The following CFDP1 variants were observed in gnomAD, a reference collection of about 807,000 sequenced individuals.
CFDP1 encodes heterochromatin-stabilizing protein CFDP1.
A neutral mutation model predicts 40.1 loss-of-function variants in CFDP1; 31 were observed. The observed-to-expected ratio is 0.77, with a 90% CI of 0.58 to 1.04. CFDP1 has a LOEUF of 1.04. Ranked by LOEUF, CFDP1 falls within the 50% of genes least tolerant of loss-of-function variation. The pLI is 0.00. For synonymous variants in CFDP1, 167 were observed against 120.0 expected (o/e 1.39, Z -2.56); for missense variants, 423 against 343.4 (o/e 1.23, Z -1.83).
intron 4 of CFDP1, among the ~76,000 whole-genome samples, chr16:75,407,702 T>G (rs571580696): frequency 6.6e-6 from 1 of 151,784 alleles, no homozygotes; most frequent in East Asian, 1.9e-4. Flanking sequence ...ATAGGAAATT[T>G]GGGCTTCCAG....
intron 6 of CFDP1, among the ~76,000 whole-genome samples, chr16:75,297,195 T>TGTGTGTGTGTGTGTGTGTGTG (rs1491320265): frequency 1.6e-4 from 24 of 150,126 alleles, no homozygotes; most frequent in East Asian, 5.9e-4. Context: ...TGTGTGTGTG[T>TGTGTGTGTGTGTGTGTGTGTG]TTTTAGTAGA....
intron 5 of CFDP1, among the ~76,000 whole-genome samples, chr16:75,346,399 C>A (rs2078564442): frequency 6.6e-6 from 1 of 151,660 alleles, no homozygotes. Flanking sequence ...CTGGCTAACA[C>A]GGTGAAATCC....
rs61472076 is a variant in CFDP1 at position 75,349,650 on chromosome 16, CAAAAAAAAAAAAAAAAAAA to C, written c.651-44487_651-44469del. Among the ~76,000 whole-genome samples the C allele has an allele frequency of 5.3e-3, 124 of 23,244 alleles. 5 individuals carry two copies. Among genetic ancestry groups the C allele is most frequent in the African/African-American group, 0.014 (104 of 7,536 alleles). 15.2% of individuals were successfully genotyped at this position (23,244 alleles called of 152,430 possible). ...TGGGCGACAGAGCGAGACTCCGTCTCAAAAAAAAAAAAAAAAAAAAAAAAAAAAAAAAAAAAAAAAATAT... is the reference window on the plus strand; with the variant it reads ...TGGGCGACAGAGCGAGACTCCGTCTCAAAAAAAAAAAAAAAAAAAAAATAT... On this transcript the variant is annotated intron_variant, in intron 5 of 6. Coordinates refer to ENST00000283882, the MANE Select transcript of CFDP1 (RefSeq NM_006324.3).
At chr16:75,347,423 T>C (rs1314149281) in intron 5 of CFDP1, among the ~76,000 whole-genome samples, 1 of 149,930 alleles carries the variant, frequency 6.7e-6, no homozygotes, top group Non-Finnish European at 1.5e-5. Context: ...CTCACGCCTG[T>C]AATCCCAGCA....
chr16:75,393,516 G>A lies in CFDP1; in HGVS notation c.650+1574C>T, dbSNP rs1035980313. On this transcript the variant is annotated intron_variant, in intron 5 of 6. Transcript: ENST00000283882. ...ATGTGGGGCCGGGGGTGGATCATGA[G>A]GTCAGGAGATCGAGACCATCCTGGC... is the stretch of plus-strand genomic sequence containing the variant. 2.0e-5 allele frequency among the ~76,000 whole-genome samples: 3 copies of A among 151,708 alleles called. No homozygotes were observed. The East Asian group carries it at 5.8e-4, about 29-fold the overall frequency.
At chr16:75,332,364 C>G (rs1338657495) in intron 5 of CFDP1, among the ~76,000 whole-genome samples, 1 of 152,052 alleles carries the variant, frequency 6.6e-6, no homozygotes, top group Non-Finnish European at 1.5e-5. Context: ...ACTCAGGAGG[C>G]TGAGGCAGGA....
At chr16:75,308,519 T>C (rs2078273020) in intron 5 of CFDP1, among the ~76,000 whole-genome samples, 1 of 152,236 alleles carries the variant, frequency 6.6e-6, no homozygotes, top group South Asian at 2.1e-4. Context: ...CAAACCTCTC[T>C]ACCCATTGAT....
At chr16:75,410,173 G>A (rs71394216) in intron 4 of CFDP1, among the ~76,000 whole-genome samples, 2 of 135,384 alleles carry the variant, frequency 1.5e-5, no homozygotes, top group African/African-American at 2.8e-5. Context: ...TTATTTTTAA[G>A]AATAACAATT....
At chr16:75,326,576 G>A (rs943373294) in intron 5 of CFDP1, among the ~76,000 whole-genome samples, 1 of 152,206 alleles carries the variant, frequency 6.6e-6, no homozygotes, top group Admixed American at 6.5e-5. Flanking sequence ...CTGAGCTGGG[G>A]AGCACAGTGA....
intron 5 of CFDP1, among the ~76,000 whole-genome samples, chr16:75,393,103 G>C (rs2078966056): frequency 6.6e-6 from 1 of 152,220 alleles, no homozygotes. Context: ...AGAGGGCAAG[G>C]AATGTGTGGA....
At chr16:75,334,002 C>T (rs1253707150) in intron 5 of CFDP1, among the ~76,000 whole-genome samples, 2 of 152,176 alleles carry the variant, frequency 1.3e-5, no homozygotes, top group African/African-American at 4.8e-5. Flanking sequence ...TTTTCTACTT[C>T]AGTGACTGAG....
chr16:75,428,678 AAAGG>A (rs2079371236), intron 1 of CFDP1, among the ~76,000 whole-genome samples: 1 of 151,978 alleles, frequency 6.6e-6, no homozygotes, highest in African/African-American at 2.4e-5. Context: ...GAAAAAAAAG[AAAGG>A]AAGGAAAGGA....
chr16:75,408,817 G>C (rs1181642534), intron 4 of CFDP1, among the ~76,000 whole-genome samples: 2 of 151,926 alleles, frequency 1.3e-5, no homozygotes, highest in Non-Finnish European at 2.9e-5. Flanking sequence ...TTCAAAGTGT[G>C]TGTCTGACAT....
At position 75,394,934 on chromosome 16, in the gene CFDP1, G is replaced by C. The variant is rs1257079878; in HGVS notation, c.650+156C>G. 11 of 940,376 alleles carry C rather than the reference G, an allele frequency of 1.2e-5. 1 individual carries two copies. Among genetic ancestry groups the C allele is most frequent in the South Asian group, 1.8e-5 (1 of 54,938 alleles). 58.3% of individuals were successfully genotyped at this position (940,376 alleles called of 1,614,324 possible). On this transcript the variant is annotated intron_variant, in intron 5 of 6. Coordinates refer to ENST00000283882, the MANE Select transcript of CFDP1 (RefSeq NM_006324.3). The stretch of plus-strand genomic sequence containing the variant: ...AGAAAGTTATGGCTAATTTTCCTTT[G>C]CATCTTCCATTCTGGTAAATATTGC...
chr16:75,299,388 C>G (rs1340724362), intron 6 of CFDP1, among the ~76,000 whole-genome samples: 2 of 151,310 alleles, frequency 1.3e-5, no homozygotes, highest in African/African-American at 4.9e-5. Context: ...GAAATCCAGA[C>G]CATCCTGGTT....
At chr16:75,358,360 G>A (rs936234741) in intron 5 of CFDP1, among the ~76,000 whole-genome samples, 1 of 152,080 alleles carries the variant, frequency 6.6e-6, no homozygotes, top group Non-Finnish European at 1.5e-5. Flanking sequence ...CATTTTAGCA[G>A]CTTTTCTGAA....
At chr16:75,365,655 G>A (rs868164557) in intron 5 of CFDP1, among the ~76,000 whole-genome samples, 2 of 152,146 alleles carry the variant, frequency 1.3e-5, no homozygotes, top group Admixed American at 1.3e-4. Context: ...AGGATCACTT[G>A]AGGCCGCTGT....
At chr16:75,424,008 C>G (rs1228392759) in intron 1 of CFDP1, among the ~76,000 whole-genome samples, 1 of 152,086 alleles carries the variant, frequency 6.6e-6, no homozygotes, top group Non-Finnish European at 1.5e-5. Context: ...AGAAATAAGT[C>G]TGTCAGAAAT....
At chr16:75,320,627 C>A (rs185252967) in intron 5 of CFDP1, among the ~76,000 whole-genome samples, 1 of 152,192 alleles carries the variant, frequency 6.6e-6, no homozygotes, top group Non-Finnish European at 1.5e-5. Context: ...GTGATTGACA[C>A]CCTCTCCTGG....
Sources: gnomAD v4.1 joint callset for allele counts (sites outside exome capture counted in the v4.1 genomes callset) on GRCh38, gnomAD v4.1.1 for gene constraint, MANE v1.5 for transcripts, NCBI Gene and HGNC (gene_info 2026-07-23, HGNC 2026-07-21) for gene names.